ABTB3: variants seen among roughly 807,000 people sequenced by gnomAD.
The protein encoded by ABTB3 is ankyrin repeat and BTB domain containing 3, also known as ankyrin repeat- and BTB/POZ domain-containing protein 3.
At chr12:107,591,455 G>C in the ABTB3 span, among the ~76,000 whole-genome samples, 4 of 152,200 alleles carry the variant, frequency 2.6e-5, no homozygotes, top group Admixed American at 1.3e-4. Flanking sequence ...AAGGGCAAAG[G>C]GGGAGGGGCT....
the ABTB3 span, among the ~76,000 whole-genome samples, chr12:107,336,776 C>A: frequency 6.6e-6 from 1 of 152,234 alleles, no homozygotes; most frequent in Non-Finnish European, 1.5e-5. Context: ...AAACTTCATG[C>A]AAGCACAGAT....
chr12:107,515,806 G>A, the ABTB3 span, among the ~76,000 whole-genome samples: 4 of 152,130 alleles, frequency 2.6e-5, no homozygotes, highest in African/African-American at 9.7e-5. Context: ...GCACTAGGTA[G>A]TGCCCAGGAA....
chr12:107,531,477 G>A, the ABTB3 span, among the ~76,000 whole-genome samples: 1 of 152,158 alleles, frequency 6.6e-6, no homozygotes, highest in Non-Finnish European at 1.5e-5. Flanking sequence ...AGACAGACTG[G>A]ATTAGCTCGA....
the ABTB3 span, among the ~76,000 whole-genome samples, chr12:107,652,623 C>T: frequency 6.6e-6 from 1 of 152,186 alleles, no homozygotes; most frequent in Non-Finnish European, 1.5e-5. Flanking sequence ...GTCCCCCACC[C>T]CCGATGACCT....
chr12:107,339,648 C>A, the ABTB3 span, among the ~76,000 whole-genome samples: 1 of 150,892 alleles, frequency 6.6e-6, no homozygotes, highest in Admixed American at 6.6e-5. Flanking sequence ...TAGTAGTGCC[C>A]GAGAAACAGG....
chr12:107,439,070 T>G, the ABTB3 span, among the ~76,000 whole-genome samples: 1 of 152,240 alleles, frequency 6.6e-6, no homozygotes, highest in Admixed American at 6.5e-5. Flanking sequence ...CATTTGTCTC[T>G]TGAAGAACAA....
chr12:107,377,464 C>T, the ABTB3 span, among the ~76,000 whole-genome samples: 113 of 146,180 alleles, frequency 7.7e-4, no homozygotes, highest in African/African-American at 2.7e-3. Flanking sequence ...ATGTATACTC[C>T]GTTTATGCTC....
the ABTB3 span, among the ~76,000 whole-genome samples, chr12:107,424,377 C>A: frequency 2.0e-5 from 3 of 152,212 alleles, no homozygotes; most frequent in South Asian, 6.2e-4. Context: ...AGAATTGCTG[C>A]TCTGTGGTCC....
chr12:107,649,232 T>C, the ABTB3 span: 1 of 1,613,714 alleles, frequency 6.2e-7, no homozygotes, highest in Non-Finnish European at 8.5e-7. Context: ...TCTACTATGG[T>C]GGCCCAGAGT....
At chr12:107,493,351 C>T in the ABTB3 span, among the ~76,000 whole-genome samples, 4 of 152,160 alleles carry the variant, frequency 2.6e-5, no homozygotes. Flanking sequence ...GCAGGGCATA[C>T]CTTCTGTGCA....
At chr12:107,635,528 A>G in the ABTB3 span, 12 of 616,624 alleles carry the variant, frequency 1.9e-5, no homozygotes, top group East Asian at 3.0e-5. Flanking sequence ...GCCGGGGGAG[A>G]TCAGAATTTC....
At chr12:107,397,448 T>C in the ABTB3 span, among the ~76,000 whole-genome samples, 2 of 152,088 alleles carry the variant, frequency 1.3e-5, no homozygotes, top group African/African-American at 2.4e-5. Flanking sequence ...TTACCTATTA[T>C]TTTTTTCTAT....
the ABTB3 span, among the ~76,000 whole-genome samples, chr12:107,384,362 G>C: frequency 1.3e-5 from 2 of 152,172 alleles, no homozygotes; most frequent in East Asian, 3.9e-4. Flanking sequence ...CTAACGAGGA[G>C]CAAGAAGCCT....
chr12:107,586,078 G>A, the ABTB3 span, among the ~76,000 whole-genome samples: 15 of 152,298 alleles, frequency 9.8e-5, no homozygotes, highest in African/African-American at 3.1e-4. Flanking sequence ...ACAGGGTGTA[G>A]GGGTAGAGAG....
At chr12:107,519,454 C>G in the ABTB3 span, among the ~76,000 whole-genome samples, 6 of 151,782 alleles carry the variant, frequency 4.0e-5, no homozygotes, top group Non-Finnish European at 4.4e-5. Flanking sequence ...TCCCCAGTAG[C>G]TGGGACTACA....
At chr12:107,462,545 T>G in the ABTB3 span, among the ~76,000 whole-genome samples, 1 of 152,094 alleles carries the variant, frequency 6.6e-6, no homozygotes, top group Non-Finnish European at 1.5e-5. Flanking sequence ...ATGGTGGTAG[T>G]GATGGTGATG....
the ABTB3 span, among the ~76,000 whole-genome samples, chr12:107,329,767 A>G: frequency 1.3e-5 from 2 of 152,172 alleles, no homozygotes; most frequent in Non-Finnish European, 2.9e-5. Context: ...CATGTTGGCT[A>G]TTGTGGGGTT....
the ABTB3 span, among the ~76,000 whole-genome samples, chr12:107,549,910 T>C: frequency 5.3e-5 from 8 of 152,150 alleles, no homozygotes; most frequent in African/African-American, 1.2e-4. Flanking sequence ...ACAAGAGATA[T>C]TGGGGCTTGT....
At chr12:107,495,888 A>G in the ABTB3 span, among the ~76,000 whole-genome samples, 122 of 152,328 alleles carry the variant, frequency 8.0e-4, no homozygotes, top group Middle Eastern at 3.4e-3. Flanking sequence ...CGAGGATTAC[A>G]TGACATAAGA....
Sources: gnomAD v4.1 joint callset for allele counts (sites outside exome capture counted in the v4.1 genomes callset) on GRCh38, gnomAD v4.1.1 for gene constraint, MANE v1.5 for transcripts, NCBI Gene and HGNC (gene_info 2026-07-23, HGNC 2026-07-21) for gene names.